The following ADGRF5 variants were observed in gnomAD, a reference collection of about 807,000 sequenced individuals.
ADGRF5 encodes G-protein coupled receptor 116.
A neutral mutation model predicts 132.3 loss-of-function variants in ADGRF5; 75 were observed. The ratio of observed to expected loss-of-function variants is 0.57; its 90% CI spans 0.47 to 0.69. ADGRF5 has a LOEUF of 0.69. Among genes scored for constraint, ADGRF5 ranks in the 30% least tolerant of loss-of-function variants. ADGRF5 has a pLI of 0.00. For synonymous variants in ADGRF5, 629 were observed against 597.6 expected (o/e 1.05, Z -0.77); for missense variants, 1,516 against 1,630.6 (o/e 0.93, Z 1.21).
chr6:46,947,133 T>C (rs138772573), intron 1 of ADGRF5, among the ~76,000 whole-genome samples: 155 of 152,318 alleles, frequency 1.0e-3, no homozygotes, highest in Non-Finnish European at 1.3e-3. Flanking sequence ...ATAGAATATA[T>C]TCAATAAATA....
rs150647239 is a variant in ADGRF5 at position 46,879,885 on chromosome 6, G to A, written c.969C>T (p.Thr323=). ...CCGAAGTCATGTTGTTGAAAAGTGCGGTGTAAATCGAGAATCTGCTGCTGT... is the reference window on the plus strand; with the variant it reads ...CCGAAGTCATGTTGTTGAAAAGTGCAGTGTAAATCGAGAATCTGCTGCTGT... The part of the protein sequence containing the change: ...IQNSSRFSIY[T]ALFNNMTSVS... Residue 323 remains threonine, a synonymous_variant, in exon 9 of 21, where the codon ACC becomes ACT. Coordinates refer to ENST00000283296, the MANE Select transcript of ADGRF5 (RefSeq NM_001098518.2). The A allele has an allele frequency of 3.3e-4, 525 of 1,614,036 alleles. No individual in the cohort carries two copies. The highest frequency in any genetic ancestry group is 4.0e-4 in the Non-Finnish European group (469 of 1,179,928).
chr6:46,872,311 G>A (rs770066483), intron 10 of ADGRF5, among the ~76,000 whole-genome samples: 5 of 152,022 alleles, frequency 3.3e-5, no homozygotes, highest in Admixed American at 6.6e-5. Flanking sequence ...TACTTCCCAG[G>A]ACCACCGTAA....
In ADGRF5 at chr6:46,949,458, G is replaced by A. The variant is rs545542443; in HGVS notation, c.-25+5276C>T. Reference sequence around the variant, plus strand: ...CAGATCCCTACTTCACAAAGAGACTGCTCTTGAGGTGGTTCATGTAGCAGA... The same window carrying A: ...CAGATCCCTACTTCACAAAGAGACTACTCTTGAGGTGGTTCATGTAGCAGA... On this transcript the variant is annotated intron_variant, in intron 1 of 20. Coordinates refer to the ADGRF5 transcript ENST00000265417. 1.4e-4 allele frequency among the ~76,000 whole-genome samples: 21 copies of A among 152,322 alleles called. No individual in the cohort carries two copies. The East Asian group carries it at 4.1e-3, about 29-fold the overall frequency.
At chr6:46,876,529 T>C (rs1293333839) in intron 10 of ADGRF5, among the ~76,000 whole-genome samples, 3 of 152,240 alleles carry the variant, frequency 2.0e-5, no homozygotes, top group African/African-American at 7.2e-5. Context: ...TTATGTCTAA[T>C]ACAAATGCTT....
chr6:46,894,342 A>G (rs1323560878), intron 3 of ADGRF5, among the ~76,000 whole-genome samples: 4 of 152,196 alleles, frequency 2.6e-5, no homozygotes, highest in East Asian at 1.9e-4. Flanking sequence ...AAAGAAGAAA[A>G]TCATCAGAAC....
intron 15 of ADGRF5, among the ~76,000 whole-genome samples, chr6:46,862,226 A>G (rs1400157052): frequency 6.6e-6 from 1 of 152,228 alleles, no homozygotes; most frequent in Non-Finnish European, 1.5e-5. Context: ...ATCATTACCT[A>G]TAACCTCACC....
intron 1 of ADGRF5, among the ~76,000 whole-genome samples, chr6:46,915,288 T>TTAATAATAATAA (rs76660188): frequency 0.017 from 2,608 of 149,564 alleles, 43 homozygotes; most frequent in African/African-American, 0.039. Flanking sequence ...CTTGACTATT[T>TTAATAATAATAA]TAATAATAAT....
intron 1 of ADGRF5, among the ~76,000 whole-genome samples, chr6:46,941,485 G>T (rs944295122): frequency 4.1e-5 from 5 of 123,036 alleles, no homozygotes; most frequent in Admixed American, 8.1e-5. Context: ...GAAAAGAAAA[G>T]AAAGAAAAGA....
At chr6:46,877,326 T>TTCCTTCCTTCC (rs1396210264) in intron 10 of ADGRF5, among the ~76,000 whole-genome samples, 70 of 98,342 alleles carry the variant, frequency 7.1e-4, no homozygotes, top group East Asian at 1.1e-3. Context: ...TCCTTCCTTC[T>TTCCTTCCTTCC]TTCTTTCTTT....
chr6:46,954,718 C>G (rs1052044056), intron 1 of ADGRF5: 2 of 152,280 alleles, frequency 1.3e-5, no homozygotes, highest in Middle Eastern at 3.4e-3. Flanking sequence ...CAAATCAAAA[C>G]GATGCAGGTA....
exon 1 of ADGRF5, chr6:46,954,793 A>G (rs2113853045): frequency 6.6e-6 from 1 of 152,358 alleles, no homozygotes. Flanking sequence ...GATCTGCCCA[A>G]AACCCTCTCA....
chr6:46,899,889 A>AT, intron 3 of ADGRF5, 140 bp downstream of exon 3: 1 of 633,768 alleles, frequency 1.6e-6, no homozygotes, highest in Non-Finnish European at 2.9e-6. Flanking sequence ...CCTAGTAATT[A>AT]TTTTTGGAAA....
Position 46,884,118 on chromosome 6 carries a change from C to A in ADGRF5, c.482G>T (p.Gly161Val). The part of the protein sequence containing the change: ...CSCLKELPPN[G>V]PFCLLQEDVT... ...ACCTTCCTGAAGCAGGCAAAAAGGT[C>A]CATTGGGAGGCAGTTCTTTAAGGCA... is the stretch of plus-strand genomic sequence containing the variant. The change falls in exon 5 of 21, where the codon GGA becomes GTA. Residue 161 changes from glycine (G) to valine (V), a missense_variant. By Grantham distance (109) the Gly-to-Val change is moderately radical (BLOSUM62 -3). Around this residue, in one of 2 missense-constraint regions of ADGRF5, gnomAD observed 945 missense variants for 929.4 expected, o/e 1.02. Transcript: ENST00000283296. 1 of 1,613,964 alleles carries A rather than the reference C, an allele frequency of 6.2e-7. No individual in the cohort carries two copies. Among genetic ancestry groups the A allele is most frequent in the East Asian group, 2.2e-5 (1 of 44,876 alleles).
At chr6:46,918,640 T>G (rs145049495) in intron 1 of ADGRF5, among the ~76,000 whole-genome samples, 15 of 152,340 alleles carry the variant, frequency 9.8e-5, no homozygotes, top group African/African-American at 3.6e-4. Flanking sequence ...TCTGCAAGTC[T>G]TAGGGAGCCA....
chr6:46,940,180 G>A (rs1777995253), intron 1 of ADGRF5, among the ~76,000 whole-genome samples: 2 of 152,046 alleles, frequency 1.3e-5, no homozygotes, highest in Non-Finnish European at 2.9e-5. Context: ...GAGTGTGCAC[G>A]GATTTTGGTA....
At chr6:46,866,780 G>T in intron 13 of ADGRF5, 145 bp downstream of exon 13, 3 of 588,232 alleles carry the variant, frequency 5.1e-6, no homozygotes, top group Non-Finnish European at 9.1e-6. Flanking sequence ...CAAAATAGAA[G>T]GTAACAAAGA....
chr6:46,938,174 T>C (rs1777919595), intron 1 of ADGRF5, among the ~76,000 whole-genome samples: 1 of 152,184 alleles, frequency 6.6e-6, no homozygotes, highest in Non-Finnish European at 1.5e-5. Flanking sequence ...CAGAATGAAT[T>C]CCAGTGTTCA....
chr6:46,910,126 A>G (rs1775791256), intron 1 of ADGRF5, among the ~76,000 whole-genome samples: 1 of 152,208 alleles, frequency 6.6e-6, no homozygotes, highest in Non-Finnish European at 1.5e-5. Flanking sequence ...GCCTAGAAAG[A>G]GCTGAGTGTC....
rs1478759559 is a variant in ADGRF5, at chr6:46,882,081, T to A, written c.639A>T (p.Pro213=). The A allele has an allele frequency of 6.2e-7, 1 of 1,611,812 alleles. No homozygotes were observed. The highest frequency in any genetic ancestry group is 2.2e-5 in the East Asian group (1 of 44,850). The change falls in exon 7 of 21, where the codon CCA becomes CCT. Residue 213 remains proline, a synonymous_variant. Transcript: ENST00000283296. ...TAFRKGYGIL[P]GFKGVTVTGF... The stretch of plus-strand genomic sequence containing the variant: ...CTGTCACAGTCACGCCCTTGAAGCC[T>A]GGTAAAATTCCGTAACCCTTCCGGA...
Sources: allele counts gnomAD v4.1 joint callset (sites outside exome capture counted in the v4.1 genomes callset), GRCh38; gene constraint gnomAD v4.1.1; regional missense constraint gnomAD v4.1.1; transcripts MANE v1.5; gene names NCBI Gene and HGNC (gene_info 2026-07-23, HGNC 2026-07-21).